SAMD9: variants seen among roughly 807,000 people sequenced by gnomAD.
SAMD9 encodes sterile alpha motif domain-containing protein 9.
Under a neutral mutation model 1.5 loss-of-function variants are expected in SAMD9, and 3 were observed. The ratio of observed to expected loss-of-function variants is 2.05; its 90% CI spans 0.93 to 5.29. The LOEUF (loss-of-function observed/expected upper bound fraction) is 5.29, where lower values mean the gene tolerates loss of function less well. SAMD9 is among the 30% of genes most tolerant of loss of function. The pLI, the probability that SAMD9 is intolerant of heterozygous loss-of-function variation, is 0.02. For synonymous variants in SAMD9, 635 were observed against 631.9 expected (o/e 1.00, Z -0.07); for missense variants, 1,597 against 1,820.8 (o/e 0.88, Z 2.24).
rs756267675 is a variant in SAMD9, at chr7:93,103,441, A to C, written c.2657T>G (p.Met886Arg). The change falls in exon 3 of 3, where the codon ATG becomes AGG. Residue 886 changes from methionine (M) to arginine (R), a missense_variant. This residue lies in a region of SAMD9 where 682 missense variants were observed against 810.0 expected (regional missense o/e 0.84). Transcript: ENST00000379958. The stretch of plus-strand genomic sequence containing the variant: ...TTTATTAAAATTGGTTTTCATGATC[A>C]TAAAGGAATAAAAATCCTCAAAGTT... ...HKNFEDFYSFMIMKTNFNKEY... is the reference protein window; with the variant it reads ...HKNFEDFYSFRIMKTNFNKEY... 33 of 1,613,116 alleles carry C rather than the reference A, an allele frequency of 2.0e-5. No individual in the cohort carries two copies. Among genetic ancestry groups the C allele is most frequent in the Non-Finnish European group, 2.6e-5 (31 of 1,179,370 alleles).
chr7:93,101,235 T>A lies in SAMD9; in HGVS notation c.*93A>T, dbSNP rs1791521356. On this transcript the variant is annotated 3_prime_UTR_variant, in exon 3 of 3. Coordinates refer to ENST00000379958, the MANE Select transcript of SAMD9 (RefSeq NM_017654.4). ...CAGATCTGAAGAGCTAGAGGCTGTA[T>A]CTATAACCTTGCCGGTTTAAAGCAT... is the stretch of plus-strand genomic sequence containing the variant. 1.1e-6 allele frequency: 1 copy of A among 924,688 alleles called. No homozygotes were observed. Among genetic ancestry groups the A allele is most frequent in the Non-Finnish European group, 1.8e-6 (1 of 564,078 alleles). 57.3% of individuals were successfully genotyped at this position (924,688 alleles called of 1,614,324 possible). A position where few individuals can be genotyped will look rare whatever the true frequency, so the allele number is the denominator to read the frequency against.
chr7:93,105,385 C>T lies in SAMD9; in HGVS notation c.713G>A (p.Gly238Glu). 1 of 1,613,860 alleles carries T rather than the reference C, an allele frequency of 6.2e-7. No homozygotes were observed. Among genetic ancestry groups the T allele is most frequent in the South Asian group, 1.1e-5 (1 of 91,062 alleles). The change falls in exon 3 of 3, where the codon GGA (glycine) becomes GAA (glutamate). Residue 238 changes from glycine (G) to glutamate (E), a missense_variant. Physicochemically the swap from Gly to Glu is moderately conservative, Grantham distance 98 (BLOSUM62 -2). Coordinates refer to ENST00000379958, the MANE Select transcript of SAMD9 (RefSeq NM_017654.4). The stretch of plus-strand genomic sequence containing the variant: ...TTTCCCATGGGGTTTGTCTTTGACT[C>T]CAAAATGAATAGTGCCATTGGTACG... ...NSRTNGTIHF[G>E]VKDKPHGKIV... is the part of the protein sequence containing the mutation.
chr7:93,101,245 T>G lies in SAMD9; in HGVS notation c.*83A>C. On this transcript the variant is annotated 3_prime_UTR_variant, in exon 3 of 3. Coordinates refer to ENST00000379958, the MANE Select transcript of SAMD9 (RefSeq NM_017654.4). ...GAGCTAGAGGCTGTATCTATAACCT[T>G]GCCGGTTTAAAGCATAGATCTTGAG... is the stretch of plus-strand genomic sequence containing the variant. 1 of 1,049,022 alleles carries G rather than the reference T, an allele frequency of 9.5e-7. No individual in the cohort carries two copies. The highest frequency in any genetic ancestry group is 1.5e-6 in the Non-Finnish European group (1 of 676,878). 65.0% of individuals were successfully genotyped at this position (1,049,022 alleles called of 1,614,324 possible).
rs1394887901 is a variant in SAMD9, at chr7:93,100,446, A to C, written c.*882T>G. ...TGTTTTTTAATCAGCTTTCCACTTA[A>C]TGGTTTTGGCAGCCATTGATGACTG... On this transcript the variant is annotated 3_prime_UTR_variant, in exon 3 of 3. Coordinates refer to ENST00000379958, the MANE Select transcript of SAMD9 (RefSeq NM_017654.4). 3 of 152,126 alleles carry C rather than the reference A, an allele frequency of 2.0e-5. No individual in the cohort carries two copies. Among genetic ancestry groups the C allele is most frequent in the Admixed American group, 6.5e-5 (1 of 15,268 alleles). 9.4% of individuals were successfully genotyped at this position (152,126 alleles called of 1,614,324 possible).
rs373446441 is a variant in SAMD9 at position 93,111,364 on chromosome 7, A to G, written c.-9+3431T>C. Among the ~76,000 whole-genome samples the G allele has an allele frequency of 3.4e-4, 52 of 152,366 alleles. 1 individual carries two copies. Among genetic ancestry groups the G allele is most frequent in the Admixed American group, 1.1e-3 (17 of 15,304 alleles). Reference sequence around the variant, plus strand: ...CCACAGGAGATAGCAGGAAAGATCTAAAATTGACACCCTAACATCACAATT... The same window carrying G: ...CCACAGGAGATAGCAGGAAAGATCTGAAATTGACACCCTAACATCACAATT... On this transcript the variant is annotated intron_variant, in intron 2 of 2. Transcript: ENST00000379958.
At chr7:93,113,502 C>T (rs1791781077) in intron 2 of SAMD9, among the ~76,000 whole-genome samples, 1 of 152,182 alleles carries the variant, frequency 6.6e-6, no homozygotes, top group African/African-American at 2.4e-5. Context: ...AAACTATCAT[C>T]AGAGTGAACA....
intron 2 of SAMD9, among the ~76,000 whole-genome samples, chr7:93,114,512 A>G (rs1016371930): frequency 1.3e-5 from 2 of 152,222 alleles, no homozygotes; most frequent in Non-Finnish European, 2.9e-5. Flanking sequence ...AATTGAAAGA[A>G]GAATAACAGA....
chr7:93,102,578 C>CT lies in SAMD9; in HGVS notation c.3519dup (p.Glu1174ArgfsTer3), dbSNP rs1791552740. 1 of 1,613,766 alleles carries CT rather than the reference C, an allele frequency of 6.2e-7. No homozygotes were observed. Among genetic ancestry groups the CT allele is most frequent in the Admixed American group, 1.7e-5 (1 of 59,994 alleles). ...TACAATCTTTCCTTCACTTCATACT[C>CT]TCTATCTTCACTTTGCTGTTGAGAT... On this transcript the variant is annotated frameshift_variant, in exon 3 of 3. Transcript: ENST00000379958. LOFTEE classifies it low-confidence loss of function (END_TRUNC).
At position 93,101,934 on chromosome 7, in the gene SAMD9, GA is replaced by G. The variant is rs754612818; in HGVS notation, c.4163del (p.Phe1388SerfsTer17). ...AGGAGAGAATAATGTTGGCCAAGAT[GA>G]AATTTAGCTTTTCTTTTGACTGGAT... ...VKIQSKEKLNFILANIILSCI... is the reference protein window; with the variant it reads ...VKIQSKEKLNXILANIILSCI... On this transcript the variant is annotated frameshift_variant, in exon 3 of 3. Transcript: ENST00000379958. LOFTEE classifies it low-confidence loss of function (END_TRUNC). 6.2e-7 allele frequency: 1 copy of G among 1,613,862 alleles called. No homozygotes were observed. Among genetic ancestry groups the G allele is most frequent in the South Asian group, 1.1e-5 (1 of 91,082 alleles).
rs1206127399 is a variant in SAMD9 at position 93,104,971 on chromosome 7, G to T, written c.1127C>A (p.Ala376Glu). The T allele has an allele frequency of 1.2e-6, 2 of 1,610,712 alleles. No homozygotes were observed. Among genetic ancestry groups the T allele is most frequent in the African/African-American group, 1.3e-5 (1 of 74,634 alleles). ...TGTTTTTGCTCTGAATTTTTCTTCTGCTGCTTTTCTGGACTCTGCCAGTGT... is the reference window on the plus strand; with the variant it reads ...TGTTTTTGCTCTGAATTTTTCTTCTTCTGCTTTTCTGGACTCTGCCAGTGT... ...FKTLAESRKA[A>E]EEKFRAKTNK... The change falls in exon 3 of 3, where the codon GCA (alanine) becomes GAA (glutamate). Residue 376 changes from alanine (A) to glutamate (E), a missense_variant. Transcript: ENST00000379958.
Position 93,099,650 on chromosome 7 carries a change from A to G in SAMD9, c.*1678T>C, listed in dbSNP as rs1041801900. The G allele has an allele frequency of 4.6e-5, 7 of 152,246 alleles. No individual in the cohort carries two copies. The highest frequency in any genetic ancestry group is 7.2e-5 in the African/African-American group (3 of 41,470). 9.4% of individuals were successfully genotyped at this position (152,246 alleles called of 1,614,324 possible). A position where few individuals can be genotyped will look rare whatever the true frequency, so the allele number is the denominator to read the frequency against. ...AAAAAATTCTAATGAGATTTTGAAG[A>G]CAGAAACAAATCACATTTTTTTTGT... On this transcript the variant is annotated 3_prime_UTR_variant, in exon 3 of 3. Transcript: ENST00000379958.
At chr7:93,108,534 A>G (rs562192609) in intron 2 of SAMD9, among the ~76,000 whole-genome samples, 1 of 152,268 alleles carries the variant, frequency 6.6e-6, no homozygotes, top group South Asian at 2.1e-4. Flanking sequence ...AAGGGGTCGG[A>G]GAATTCCCTT....
rs760347799 is a variant in SAMD9 at position 93,101,827 on chromosome 7, A to C, written c.4271T>G (p.Leu1424Arg). Residue 1424 changes from leucine (L) to arginine (R), a missense_variant, in exon 3 of 3, where the codon CTG becomes CGG. Coordinates refer to ENST00000379958, the MANE Select transcript of SAMD9 (RefSeq NM_017654.4). The stretch of plus-strand genomic sequence containing the variant: ...ATACGGTTCTGAAAACTGATAAGTC[A>C]GTCCTATTGGTTGCAAGACTTCTCG... ...QLREVLQPIG[L>R]TYQFSEPYFL... 4 of 1,613,898 alleles carry C rather than the reference A, an allele frequency of 2.5e-6. No individual in the cohort carries two copies. In the Admixed American group the frequency reaches 6.7e-5, roughly 27 times the overall value.
In SAMD9 at chr7:93,105,233, A is replaced by G. The variant is rs1226186158; in HGVS notation, c.865T>C (p.Phe289Leu). The G allele has an allele frequency of 1.9e-6, 3 of 1,613,788 alleles. No individual in the cohort carries two copies. Among genetic ancestry groups the G allele is most frequent in the Non-Finnish European group, 1.7e-6 (2 of 1,179,976 alleles). ...CTATTTGGCAGTAAAACTTCCACAA[A>G]TCTTGGCTCTCGAATGCACTTCTTT... ...QAKKCIREPRFVEVLLPNSTL... is the reference protein window; with the variant it reads ...QAKKCIREPRLVEVLLPNSTL... The change falls in exon 3 of 3, where the codon TTT (phenylalanine) becomes CTT (leucine). Residue 289 changes from phenylalanine to leucine, a missense_variant. Phe to Leu is a conservative substitution (Grantham distance 22). Coordinates refer to ENST00000379958, the MANE Select transcript of SAMD9 (RefSeq NM_017654.4).
chr7:93,111,931 A>G (rs1791751883), intron 2 of SAMD9, among the ~76,000 whole-genome samples: 1 of 152,240 alleles, frequency 6.6e-6, no homozygotes, highest in Non-Finnish European at 1.5e-5. Context: ...CAATAGAAAA[A>G]AGAGGGAACC....
chr7:93,101,351 C>T lies in SAMD9; in HGVS notation c.4747G>A (p.Ala1583Thr), dbSNP rs779813128. The change falls in exon 3 of 3, where the codon GCT becomes ACT. Residue 1583 changes from alanine to threonine, a missense_variant. Physicochemically the swap from Ala to Thr is moderately conservative, Grantham distance 58 (BLOSUM62 0). Transcript: ENST00000379958. ...TCTTAAACAATTTCAATGTCATAAG[C>T]AAGTGGGCCTCCAATGGAAAATCCC... is the stretch of plus-strand genomic sequence containing the variant. ...YLGFSIGGPLAYDIEIV is the reference protein window; with the variant it reads ...YLGFSIGGPLTYDIEIV 12 of 1,612,722 alleles carry T rather than the reference C, an allele frequency of 7.4e-6. No individual in the cohort carries two copies. Among genetic ancestry groups the T allele is most frequent in the Non-Finnish European group, 9.3e-6 (11 of 1,179,498 alleles).
At chr7:93,117,119 G>A (rs183449437) in intron 1 of SAMD9, among the ~76,000 whole-genome samples, 30 of 152,266 alleles carry the variant, frequency 2.0e-4, no homozygotes, top group South Asian at 2.1e-4. Flanking sequence ...TATGTCATCC[G>A]ACAACAATAT....
chr7:93,102,926 A>G lies in SAMD9; in HGVS notation c.3172T>C (p.Leu1058=), dbSNP rs1343245543. 3.7e-6 allele frequency: 6 copies of G among 1,613,914 alleles called. No homozygotes were observed. The highest frequency in any genetic ancestry group is 5.1e-6 in the Non-Finnish European group (6 of 1,179,832). Reference sequence around the variant, plus strand: ...GCTTCATTTCCTTCATCTTTATGTAATGCTTCAATAAATGGGGAAAACCAA... The same window carrying G: ...GCTTCATTTCCTTCATCTTTATGTAGTGCTTCAATAAATGGGGAAAACCAA... ...GNWFSPFIEA[L]HKDEGNEAVE... Residue 1058 remains leucine, a synonymous_variant, in exon 3 of 3, where the codon TTA becomes CTA. Coordinates refer to ENST00000379958, the MANE Select transcript of SAMD9 (RefSeq NM_017654.4).
At chr7:93,116,290 A>G (rs1270363095) in intron 1 of SAMD9, among the ~76,000 whole-genome samples, 1 of 152,212 alleles carries the variant, frequency 6.6e-6, no homozygotes, top group Non-Finnish European at 1.5e-5. Flanking sequence ...ACATACCATT[A>G]TATGTGAAAA....
Sources: allele counts gnomAD v4.1 joint callset (sites outside exome capture counted in the v4.1 genomes callset), GRCh38; gene constraint gnomAD v4.1.1; regional missense constraint gnomAD v4.1.1; transcripts MANE v1.5; gene names NCBI Gene and HGNC (gene_info 2026-07-23, HGNC 2026-07-21).